The following TEX11 variants were observed in gnomAD, a reference collection of about 807,000 sequenced individuals.
TEX11 encodes testis expressed 11, also known as testis-expressed protein 11.
A neutral mutation model predicts 84.4 loss-of-function variants in TEX11; 7 were observed. That is an observed-to-expected ratio of 0.08 (90% CI 0.05 to 0.16). The LOEUF (loss-of-function observed/expected upper bound fraction) is 0.16, where lower values mean the gene tolerates loss of function less well. Ranked by LOEUF, TEX11 falls within the 10% of genes least tolerant of loss-of-function variation. The pLI, the probability that TEX11 is intolerant of heterozygous loss-of-function variation, is 1.00. For synonymous variants in TEX11, 264 were observed against 222.8 expected, an observed-to-expected ratio of 1.18 and a Z score of -1.64; for missense variants, 551 against 660.5, an observed-to-expected ratio of 0.83 and a Z score of 1.82.
At chrX:70,520,058 G>A in the TEX11 span, among the ~76,000 whole-genome samples, 2,928 of 111,512 alleles carry the variant, frequency 0.026, 53 homozygotes, top group Middle Eastern at 0.1. Context: ...CAATGGGTTC[G>A]AACATCCTCC....
intron 7 of TEX11, among the ~76,000 whole-genome samples, chrX:70,840,147 C>T (rs1244403096): frequency 5.4e-5 from 6 of 110,901 alleles, no homozygotes; most frequent in South Asian, 3.9e-4. Flanking sequence ...AGATACTCCT[C>T]GAGAAGAGCA....
intron 9 of TEX11, among the ~76,000 whole-genome samples, chrX:70,768,860 G>C (rs188469739): frequency 1.6e-4 from 18 of 111,684 alleles, no homozygotes; most frequent in African/African-American, 5.2e-4. Flanking sequence ...GCCATAAAAG[G>C]CCATAGTAGA....
chrX:70,677,810 C>CTTTTTTTTTTTTTTTTTTTTTTTTT (rs35653618), intron 15 of TEX11, among the ~76,000 whole-genome samples: 1 of 63,582 alleles, frequency 1.6e-5, no homozygotes, highest in Non-Finnish European at 2.7e-5. Context: ...CTTTTCTTTC[C>CTTTTTTTTTTTTTTTTTTTTTTTTT]TTTTTTTTTT....
chrX:70,797,667 T>C (rs1332794990), intron 9 of TEX11, among the ~76,000 whole-genome samples: 2 of 107,671 alleles, frequency 1.9e-5, no homozygotes, highest in African/African-American at 6.8e-5. Context: ...CTAGGATTTA[T>C]TCCTCAGATA....
intron 5 of TEX11, among the ~76,000 whole-genome samples, 199 bp downstream of exon 5, chrX:70,860,658 C>A: frequency 9.0e-6 from 1 of 111,715 alleles, no homozygotes; most frequent in East Asian, 2.8e-4. Context: ...TTCACTGAAC[C>A]ACCGTAATTA....
rs1303252937 is a variant in TEX11, at chrX:70,907,809, G to C, written c.-20C>G. 1.8e-6 allele frequency: 2 copies of C among 1,140,373 alleles called. No individual in the cohort carries two copies. The highest frequency in any genetic ancestry group is 3.0e-5 in the East Asian group (1 of 33,567). 94.0% of individuals were successfully genotyped at this position (1,140,373 alleles called of 1,213,427 possible). On this transcript the variant is annotated splice_region_variant and 5_prime_UTR_variant, in exon 2 of 30. Transcript: ENST00000374333. The stretch of plus-strand genomic sequence containing the variant: ...GTCCATTTTTAAATCTCTGGCTCAA[G>C]CCTGTGAAATAATAACATATTTTAA...
intron 7 of TEX11, among the ~76,000 whole-genome samples, chrX:70,837,778 C>T (rs1309834573): frequency 9.0e-6 from 1 of 111,158 alleles, no homozygotes; most frequent in Non-Finnish European, 1.9e-5. Flanking sequence ...AAGGGGTATC[C>T]CTATAAAGGG....
intron 9 of TEX11, among the ~76,000 whole-genome samples, chrX:70,766,031 C>T (rs938106496): frequency 8.9e-6 from 1 of 112,025 alleles, no homozygotes; most frequent in Non-Finnish European, 1.9e-5. Context: ...ATCCTATTTA[C>T]AATAGCCACA....
At chrX:70,899,845 TAAAAAA>T (rs746225121) in intron 2 of TEX11, among the ~76,000 whole-genome samples, 1 of 30,600 alleles carries the variant, frequency 3.3e-5, no homozygotes, top group African/African-American at 1.2e-4. Context: ...GGTCCTGTAT[TAAAAAA>T]AAAAAAAAAA....
At chrX:70,766,555 A>G (rs1470960672) in intron 9 of TEX11, among the ~76,000 whole-genome samples, 1 of 111,770 alleles carries the variant, frequency 8.9e-6, no homozygotes, top group Non-Finnish European at 1.9e-5. Context: ...TACTACCCAA[A>G]GCAATCTACA....
chrX:70,575,941 AT>A (rs759281014), intron 25 of TEX11, among the ~76,000 whole-genome samples: 2 of 111,832 alleles, frequency 1.8e-5, no homozygotes, highest in Non-Finnish European at 3.8e-5. Context: ...TAGTATAGTT[AT>A]TTCATTTTGC....
intron 16 of TEX11, among the ~76,000 whole-genome samples, chrX:70,656,764 G>C (rs1183426163): frequency 8.9e-6 from 1 of 112,354 alleles, no homozygotes; most frequent in Non-Finnish European, 1.9e-5. Context: ...TGAATAGCAT[G>C]ATGGGGAAAC....
intron 2 of TEX11, among the ~76,000 whole-genome samples, chrX:70,903,948 G>A (rs1225950738): frequency 1.0e-5 from 1 of 97,809 alleles, no homozygotes; most frequent in African/African-American, 3.7e-5. Context: ...TGGCTCCTGA[G>A]ACTACTACAG....
intron 18 of TEX11, among the ~76,000 whole-genome samples, chrX:70,628,318 C>T (rs149132301): frequency 1.1e-3 from 125 of 110,574 alleles, no homozygotes; most frequent in African/African-American, 4.0e-3. Flanking sequence ...AACACTGTGT[C>T]TCTCAAGCCA....
intron 2 of TEX11, among the ~76,000 whole-genome samples, chrX:70,891,723 TG>T (rs749239606): frequency 1.8e-5 from 2 of 111,491 alleles, no homozygotes; most frequent in African/African-American, 6.5e-5. Flanking sequence ...CCAAGAAATA[TG>T]GGACTATGTG....
At chrX:70,868,994 T>G (rs1175605169) in intron 4 of TEX11, among the ~76,000 whole-genome samples, 2 of 104,882 alleles carry the variant, frequency 1.9e-5, no homozygotes, top group Non-Finnish European at 3.8e-5. Context: ...TATACCTATG[T>G]AACAAGCCTG....
At chrX:70,643,927 T>C (rs1414904895) in intron 17 of TEX11, among the ~76,000 whole-genome samples, 1 of 105,704 alleles carries the variant, frequency 9.5e-6, no homozygotes, top group South Asian at 4.4e-4. Context: ...AAATGGGATC[T>C]AATTAAACTA....
intron 9 of TEX11, among the ~76,000 whole-genome samples, chrX:70,804,776 G>A (rs777522946): frequency 2.1e-4 from 23 of 110,822 alleles, no homozygotes; most frequent in Non-Finnish European, 3.8e-4. Context: ...AATGATAACA[G>A]ATAAGAAGTC....
chrX:70,551,390 T>C (rs1312263931), intron 28 of TEX11, among the ~76,000 whole-genome samples: 6 of 111,054 alleles, frequency 5.4e-5, no homozygotes, highest in Non-Finnish European at 9.4e-5. Flanking sequence ...AAAAGTATAA[T>C]TGAATTGCTT....
Sources: allele counts gnomAD v4.1 joint callset (sites outside exome capture counted in the v4.1 genomes callset), GRCh38; gene constraint gnomAD v4.1.1; transcripts MANE v1.5; gene names NCBI Gene and HGNC (gene_info 2026-07-23, HGNC 2026-07-21).